The following RSU1 variants were observed in gnomAD, a reference collection of about 807,000 sequenced individuals.
The protein encoded by RSU1 is rsu-1.
Under a neutral mutation model 31.1 loss-of-function variants are expected in RSU1, and 26 were observed. The ratio of observed to expected loss-of-function variants is 0.84; its 90% confidence interval spans 0.61 to 1.16. The LOEUF (loss-of-function observed/expected upper bound fraction) is 1.16, where lower values mean the gene tolerates loss of function less well. RSU1 is among the 50% of genes most tolerant of loss of function. The pLI is 0.00. For missense variants in RSU1, 320 were observed against 339.1 expected, an observed-to-expected ratio of 0.94 and a Z score of 0.44; for synonymous variants, 164 against 136.3, an observed-to-expected ratio of 1.20 and a Z score of -1.41.
At position 16,817,389 on chromosome 10, in the gene RSU1, C is replaced by G; in HGVS notation, c.-78G>C. 1 of 347,136 alleles carries G rather than the reference C, an allele frequency of 2.9e-6. No individual in the cohort carries two copies. Among genetic ancestry groups the G allele is most frequent in the Admixed American group, 4.4e-5 (1 of 22,808 alleles). The allele number at this position is 347,136 out of a possible 1,614,324, so 21.5% of individuals were successfully genotyped here. ...AGAACGCACTCCAGCTGCCCTCACT[C>G]CCTGCAACACCGGCACTGAACAGCG... On this transcript the variant is annotated 5_prime_UTR_variant, in exon 1 of 9. Coordinates refer to ENST00000345264, the MANE Select transcript of RSU1 (RefSeq NM_012425.4).
At chr10:16,641,798 G>T (rs575889488) in intron 8 of RSU1, among the ~76,000 whole-genome samples, 1 of 152,288 alleles carries the variant, frequency 6.6e-6, no homozygotes, top group East Asian at 1.9e-4. Context: ...ACAGCAGACC[G>T]ACTTCCCATC....
intron 7 of RSU1, among the ~76,000 whole-genome samples, chr10:16,707,180 T>C (rs543962324): frequency 6.6e-6 from 1 of 152,350 alleles, no homozygotes; most frequent in East Asian, 1.9e-4. Flanking sequence ...ATCTTAGTTA[T>C]TGTAAACAGT....
chr10:16,731,171 C>T lies in RSU1; in HGVS notation c.598+21368G>A, dbSNP rs935690058. ...AGTATTCTCGTGTCATTTTATGTTC[C>T]ATCATCTACTAGTTAATTTAACCAT... On this transcript the variant is annotated intron_variant, in intron 7 of 8. Transcript: ENST00000345264. Among the ~76,000 whole-genome samples the T allele has an allele frequency of 3.9e-5, 6 of 152,208 alleles. 1 individual carries two copies. The South Asian group carries it at 1.2e-3, about 32-fold the overall frequency.
At chr10:16,712,388 G>A (rs1836039212) in intron 7 of RSU1, among the ~76,000 whole-genome samples, 1 of 151,984 alleles carries the variant, frequency 6.6e-6, no homozygotes, top group African/African-American at 2.4e-5. Context: ...TTGTTTTGTA[G>A]ATCCTTTTCC....
At position 16,592,299 on chromosome 10, in the gene RSU1, C is replaced by T. The variant is rs932177390; in HGVS notation, c.*1095G>A. 1.3e-5 allele frequency: 2 copies of T among 152,064 alleles called. No individual in the cohort carries two copies. The highest frequency in any genetic ancestry group is 4.8e-5 in the African/African-American group (2 of 41,422). 9.4% of individuals were successfully genotyped at this position (152,064 alleles called of 1,614,324 possible). On this transcript the variant is annotated 3_prime_UTR_variant, in exon 9 of 9. Transcript: ENST00000345264. ...TCACATACCATTTTTTTTGTGTCGG[C>T]CTTCTGGGGTTGACAGCCCTTTCAG...
intron 8 of RSU1, among the ~76,000 whole-genome samples, chr10:16,597,922 G>A (rs558645719): frequency 5.9e-5 from 9 of 152,356 alleles, no homozygotes; most frequent in South Asian, 2.1e-4. Context: ...GAGAGCTGGC[G>A]TTTTACTAAG....
rs142331726 is a variant in RSU1, at chr10:16,647,037, G to T, written c.731+47986C>A. On this transcript the variant is annotated intron_variant, in intron 8 of 8. Coordinates refer to ENST00000345264, the MANE Select transcript of RSU1 (RefSeq NM_012425.4). ...TCTGTCTCCAGGCTGGAGTGCAGTG[G>T]TGTGATCTCGGCTCACTGCAACCTC... Among the ~76,000 whole-genome samples the T allele has an allele frequency of 9.2e-5, 14 of 152,148 alleles. No individual in the cohort carries two copies. In the East Asian group the frequency reaches 2.5e-3, roughly 27 times the overall value.
chr10:16,687,861 A>C (rs34294006), intron 8 of RSU1, among the ~76,000 whole-genome samples: 21,879 of 152,018 alleles, frequency 0.14, 1,789 homozygotes, highest in Middle Eastern at 0.2. Flanking sequence ...CTGAGACTAC[A>C]GGCATGTGCC....
intron 4 of RSU1, among the ~76,000 whole-genome samples, chr10:16,760,358 A>AT (rs1564347460): frequency 2.0e-5 from 3 of 151,892 alleles, no homozygotes; most frequent in Non-Finnish European, 4.4e-5. Flanking sequence ...AAAAATACAA[A>AT]AGTAGCTGGG....
intron 7 of RSU1, among the ~76,000 whole-genome samples, chr10:16,745,206 T>C (rs535635040): frequency 6.6e-6 from 1 of 152,294 alleles, no homozygotes; most frequent in South Asian, 2.1e-4. Flanking sequence ...TGTATGTGCG[T>C]GTGTGTGTTC....
At chr10:16,769,945 AGACG>A (rs1433296021) in intron 3 of RSU1, among the ~76,000 whole-genome samples, 1 of 152,192 alleles carries the variant, frequency 6.6e-6, no homozygotes, top group African/African-American at 2.4e-5. Flanking sequence ...CTGTTGCTTA[AGACG>A]GACAACTTTC....
chr10:16,617,862 C>T (rs894631389), intron 8 of RSU1, among the ~76,000 whole-genome samples: 1 of 152,170 alleles, frequency 6.6e-6, no homozygotes, highest in African/African-American at 2.4e-5. Context: ...AAATGTAAAA[C>T]CCAAAACCAT....
At chr10:16,656,773 T>C (rs1169888867) in intron 8 of RSU1, among the ~76,000 whole-genome samples, 1 of 152,220 alleles carries the variant, frequency 6.6e-6, no homozygotes, top group Non-Finnish European at 1.5e-5. Context: ...GCAAAGTGGC[T>C]TTAACAAAAG....
At chr10:16,600,646 T>C (rs529913881) in intron 8 of RSU1, among the ~76,000 whole-genome samples, 5 of 151,788 alleles carry the variant, frequency 3.3e-5, no homozygotes, top group Non-Finnish European at 5.9e-5. Flanking sequence ...CACTGCAGCA[T>C]TGACCGCTGT....
chr10:16,633,766 A>G lies in RSU1; in HGVS notation c.732-40270T>C, dbSNP rs1031335775. On this transcript the variant is annotated intron_variant, in intron 8 of 8. Transcript: ENST00000345264. ...TCCATGGGCTTCTGTGTACTTTTCA[A>G]TGCTCACACTCCTCAGAGTCCCTTC... 3.3e-5 allele frequency among the ~76,000 whole-genome samples: 5 copies of G among 152,202 alleles called. No homozygotes were observed. The South Asian group carries it at 6.2e-4, about 19-fold the overall frequency.
intron 7 of RSU1, among the ~76,000 whole-genome samples, chr10:16,734,177 T>C (rs755410725): frequency 6.6e-6 from 1 of 152,222 alleles, no homozygotes; most frequent in Non-Finnish European, 1.5e-5. Context: ...ACATCACCTT[T>C]TAAATGCAAG....
chr10:16,618,948 C>T (rs1834025702), intron 8 of RSU1, among the ~76,000 whole-genome samples: 1 of 152,144 alleles, frequency 6.6e-6, no homozygotes, highest in Admixed American at 6.5e-5. Context: ...ACCTATGTAA[C>T]AAACCTGTGT....
intron 7 of RSU1, among the ~76,000 whole-genome samples, chr10:16,747,891 G>C (rs1273275567): frequency 6.6e-6 from 1 of 151,940 alleles, no homozygotes; most frequent in African/African-American, 2.4e-5. Context: ...AAAACCAGTG[G>C]GGCACAGTGG....
At chr10:16,721,122 G>A (rs1029481151) in intron 7 of RSU1, among the ~76,000 whole-genome samples, 1 of 152,266 alleles carries the variant, frequency 6.6e-6, no homozygotes, top group South Asian at 2.1e-4. Flanking sequence ...TGTCCGTCAG[G>A]TGCTCTTGGT....
Sources: allele counts gnomAD v4.1 joint callset (sites outside exome capture counted in the v4.1 genomes callset), GRCh38; gene constraint gnomAD v4.1.1; transcripts MANE v1.5; gene names NCBI Gene and HGNC (gene_info 2026-07-23, HGNC 2026-07-21).